The following CLEC4F variants were observed in gnomAD, a reference collection of about 807,000 sequenced individuals.
CLEC4F encodes the protein C-type (calcium dependent, carbohydrate-recognition domain) lectin, superfamily member 13.
A neutral mutation model predicts 53.4 loss-of-function variants in CLEC4F; 45 were observed. The ratio of observed to expected loss-of-function variants is 0.84; its 90% CI spans 0.66 to 1.08. CLEC4F has a LOEUF of 1.08. Among genes scored for constraint, CLEC4F ranks in the 50% least tolerant of loss-of-function variants. CLEC4F has a pLI of 0.00. For synonymous variants in CLEC4F, 245 were observed against 257.5 expected (o/e 0.95, Z 0.46); for missense variants, 753 against 698.2 (o/e 1.08, Z -0.88).
At chr2:70,823,086 C>T (rs1265709954), upstream of CLEC4F, among the ~76,000 whole-genome samples, 1 of 151,968 alleles carries the variant, frequency 6.6e-6, no homozygotes, top group Non-Finnish European at 1.5e-5. Context: ...GAGCGGTTGC[C>T]CACACCCAGT....
chr2:70,815,332 C>T lies in CLEC4F; in HGVS notation c.1387+662G>A, dbSNP rs188591642. ...TTTCCCCACAGATCTCTTCCCTCCC[C>T]CTAGAAGATTCCTTTTCCCTTCTTT... On this transcript the variant is annotated intron_variant, in intron 4 of 6. Transcript: ENST00000272367. Among the ~76,000 whole-genome samples, 6 of 152,266 alleles carry T rather than the reference C, an allele frequency of 3.9e-5. No homozygotes were observed. In the East Asian group the frequency reaches 1.2e-3, roughly 29 times the overall value.
At position 70,808,759 on chromosome 2, in the gene CLEC4F, G is replaced by A. The variant is rs782075476; in HGVS notation, c.*512C>T. 1.2e-5 allele frequency: 4 copies of A among 343,034 alleles called. No homozygotes were observed. The highest frequency in any genetic ancestry group is 2.2e-5 in the Non-Finnish European group (4 of 179,904). 21.2% of individuals were successfully genotyped at this position (343,034 alleles called of 1,614,324 possible). ...CCTTGAGAAGCCACTGATGTCACTG[G>A]GTCACTCGAGGTAAGCATGTTTGAA... is the stretch of plus-strand genomic sequence containing the variant. On this transcript the variant is annotated 3_prime_UTR_variant, in exon 7 of 7. Coordinates refer to ENST00000272367, the MANE Select transcript of CLEC4F (RefSeq NM_173535.3).
chr2:70,823,332 G>A (rs762741537), upstream of CLEC4F, among the ~76,000 whole-genome samples: 4 of 152,268 alleles, frequency 2.6e-5, no homozygotes, highest in East Asian at 3.9e-4. Context: ...CTCCTTCACC[G>A]CCACATAGAA....
intron 3 of CLEC4F, among the ~76,000 whole-genome samples, 188 bp downstream of exon 3, chr2:70,819,167 T>C (rs35483718): frequency 0.34 from 51,614 of 151,970 alleles, 9,532 homozygotes; most frequent in East Asian, 0.53. Context: ...ACTTAACAGA[T>C]TGTATGCTTT....
At chr2:70,814,838 CAAA>C (rs60330725) in intron 4 of CLEC4F, among the ~76,000 whole-genome samples, 1 of 140,954 alleles carries the variant, frequency 7.1e-6, no homozygotes, top group Non-Finnish European at 1.5e-5. Flanking sequence ...ACACCCTCAC[CAAA>C]AAAAAAAAAA....
chr2:70,810,388 G>A (rs1332509134), intron 5 of CLEC4F, among the ~76,000 whole-genome samples: 4 of 152,102 alleles, frequency 2.6e-5, no homozygotes, highest in South Asian at 2.1e-4. Flanking sequence ...GGAGGCCAAG[G>A]CAGGCGGATC....
At chr2:70,824,024 C>CAAAAA (rs1179902981), upstream of CLEC4F, among the ~76,000 whole-genome samples, 6 of 60,618 alleles carry the variant, frequency 9.9e-5, no homozygotes, top group East Asian at 4.0e-4. Flanking sequence ...AGCAAGACTC[C>CAAAAA]AAAAAAAAAA....
intron 5 of CLEC4F, 146 bp from the exon 6 acceptor site, chr2:70,810,003 T>C (rs1558608340): frequency 1.4e-5 from 9 of 632,708 alleles, no homozygotes; most frequent in Non-Finnish European, 2.6e-5. Context: ...TTTTATCTCA[T>C]TTGGGGAAAG....
At chr2:70,815,684 T>C (rs1676855917) in intron 4 of CLEC4F, among the ~76,000 whole-genome samples, 1 of 152,146 alleles carries the variant, frequency 6.6e-6, no homozygotes, top group African/African-American at 2.4e-5. Context: ...GTCATACCAT[T>C]TGGGGTATCA....
intron 4 of CLEC4F, 30 bp downstream of exon 4, chr2:70,815,964 C>T (rs1553395647): frequency 6.3e-7 from 1 of 1,594,366 alleles, no homozygotes; most frequent in South Asian, 1.1e-5. Context: ...ACTGTGCCCT[C>T]CCCAAACGCG....
At position 70,820,549 on chromosome 2, in the gene CLEC4F, T is replaced by C; in HGVS notation, c.-26A>G. 1 of 1,568,940 alleles carries C rather than the reference T, an allele frequency of 6.4e-7. No individual in the cohort carries two copies. On this transcript the variant is annotated 5_prime_UTR_variant, in exon 1 of 7. Transcript: ENST00000272367. ...CTCTGCTTCCTTGATCCTCCAGCAC[T>C]GCTCCCAGCCACTGGCTCCTGGAAG...
chr2:70,820,698 C>A, upstream of CLEC4F: 1 of 597,352 alleles, frequency 1.7e-6, no homozygotes, highest in Non-Finnish European at 2.9e-6. Context: ...CCCCAGTGGG[C>A]CCCTCCCCTA....
At chr2:70,810,921 T>C in intron 5 of CLEC4F, 1 of 535,574 alleles carries the variant, frequency 1.9e-6, no homozygotes, top group Non-Finnish European at 3.7e-6. Flanking sequence ...GGCACAAAAA[T>C]GTTTCATTTT....
At chr2:70,810,455 C>T (rs1356526111) in intron 5 of CLEC4F, among the ~76,000 whole-genome samples, 1 of 151,670 alleles carries the variant, frequency 6.6e-6, no homozygotes, top group Non-Finnish European at 1.5e-5. Context: ...CCCGTCTCTA[C>T]TAAAAATACA....
Position 70,809,160 on chromosome 2 carries a change from G to A in CLEC4F, c.*111C>T. ...TGTGGCTCCTAGGGAGCTGACATGG[G>A]ATGAGTCTAGGGAGCTGACTTGAGA... is the stretch of plus-strand genomic sequence containing the variant. On this transcript the variant is annotated 3_prime_UTR_variant, in exon 7 of 7. Transcript: ENST00000272367. 1.3e-6 allele frequency: 2 copies of A among 1,554,552 alleles called. No individual in the cohort carries two copies. Among genetic ancestry groups the A allele is most frequent in the Non-Finnish European group, 1.7e-6 (2 of 1,148,414 alleles).
At chr2:70,822,953 G>A (rs1027774565), upstream of CLEC4F, among the ~76,000 whole-genome samples, 12 of 152,344 alleles carry the variant, frequency 7.9e-5, no homozygotes, top group Non-Finnish European at 1.0e-4. Flanking sequence ...CACACGGAAC[G>A]TGCCTCCTCT....
rs1230236871 is a variant in CLEC4F at position 70,820,527 on chromosome 2, T to C, written c.-4A>G. On this transcript the variant is annotated 5_prime_UTR_variant, in exon 1 of 7. Transcript: ENST00000272367. ...AGCGGACTGCCTCACCGTCCATCTC[T>C]GCTTCCTTGATCCTCCAGCACTGCT... 5.1e-6 allele frequency: 8 copies of C among 1,583,104 alleles called. No homozygotes were observed. Among genetic ancestry groups the C allele is most frequent in the Non-Finnish European group, 6.0e-6 (7 of 1,162,696 alleles).
At chr2:70,823,236 G>A (rs558740171), upstream of CLEC4F, among the ~76,000 whole-genome samples, 57 of 152,170 alleles carry the variant, frequency 3.7e-4, no homozygotes, top group Non-Finnish European at 7.5e-4. Context: ...ACCTTAGAGA[G>A]GAGGGCACAG....
intron 3 of CLEC4F, among the ~76,000 whole-genome samples, chr2:70,818,255 G>A (rs1191141046): frequency 2.6e-5 from 4 of 152,220 alleles, no homozygotes; most frequent in African/African-American, 9.7e-5. Context: ...ACAGAATGGA[G>A]AATACGGAAG....
Sources: allele counts gnomAD v4.1 joint callset (sites outside exome capture counted in the v4.1 genomes callset), GRCh38; gene constraint gnomAD v4.1.1; transcripts MANE v1.5; gene names NCBI Gene and HGNC (gene_info 2026-07-23, HGNC 2026-07-21).